EVC2: variants seen among roughly 807,000 people sequenced by gnomAD.
EVC2 encodes the protein limbin.
Under a neutral mutation model 149.3 loss-of-function variants are expected in EVC2, and 148 were observed. That is an observed-to-expected ratio of 0.99 (90% confidence interval 0.87 to 1.14). EVC2 has a LOEUF of 1.14. EVC2 is among the 50% of genes most tolerant of loss of function. The pLI, the probability that EVC2 is intolerant of heterozygous loss-of-function variation, is 0.00. For missense variants in EVC2, 1,854 were observed against 1,627.3 expected (o/e 1.14, Z -2.40); for synonymous variants, 776 against 649.9 (o/e 1.19, Z -2.95).
intron 2 of EVC2, among the ~76,000 whole-genome samples, chr4:5,695,503 T>A (rs187691529): frequency 3.9e-5 from 6 of 152,330 alleles, no homozygotes; most frequent in African/African-American, 1.2e-4. Flanking sequence ...CTTCAGTGGA[T>A]GCGGCCCAGG....
intron 17 of EVC2, among the ~76,000 whole-genome samples, chr4:5,578,403 C>T (rs765573725): frequency 1.3e-5 from 2 of 152,160 alleles, no homozygotes; most frequent in Non-Finnish European, 2.9e-5. Context: ...TTGGTTTAAT[C>T]TTCACAAAAT....
chr4:5,706,787 G>C (rs894404675), intron 1 of EVC2, among the ~76,000 whole-genome samples: 3 of 152,112 alleles, frequency 2.0e-5, no homozygotes, highest in Admixed American at 6.5e-5. Flanking sequence ...GATGGGCGTG[G>C]GCAGGGCCAG....
At chr4:5,698,123 A>G (rs1351931536) in intron 1 of EVC2, among the ~76,000 whole-genome samples, 1 of 152,174 alleles carries the variant, frequency 6.6e-6, no homozygotes. Context: ...GCTTCTGAGT[A>G]AAGAATTCCC....
At chr4:5,678,536 G>T (rs537276725) in intron 7 of EVC2, among the ~76,000 whole-genome samples, 1 of 152,336 alleles carries the variant, frequency 6.6e-6, no homozygotes, top group South Asian at 2.1e-4. Context: ...ACAAGGAAGA[G>T]ATGTTCCTAG....
At chr4:5,644,920 C>A (rs368802965) in intron 9 of EVC2, among the ~76,000 whole-genome samples, 2 of 152,270 alleles carry the variant, frequency 1.3e-5, no homozygotes, top group Admixed American at 6.5e-5. Context: ...TTTCTTTATT[C>A]ATCTGTTGAT....
At position 5,576,557 on chromosome 4, in the gene EVC2, T is replaced by A; in HGVS notation, c.3058-103A>T. 1 of 1,522,366 alleles carries A rather than the reference T, an allele frequency of 6.6e-7. No homozygotes were observed. The highest frequency in any genetic ancestry group is 8.8e-7 in the Non-Finnish European group (1 of 1,136,410). The allele number at this position is 1,522,366 out of a possible 1,614,324, so 94.3% of individuals were successfully genotyped here. ...TGTCTTGCTACAAGTCTGGCATGACTCTGTCTTGCCTGGTTCCCCATCCAG... is the reference window on the plus strand; with the variant it reads ...TGTCTTGCTACAAGTCTGGCATGACACTGTCTTGCCTGGTTCCCCATCCAG... On this transcript the variant is annotated intron_variant, in intron 17 of 21. Coordinates refer to ENST00000344408, the MANE Select transcript of EVC2 (RefSeq NM_147127.5). The surrounding 1 kb of genome is among the most constrained non-coding windows in gnomAD (Gnocchi z 4.5).
At chr4:5,643,585 AG>A (rs1257825694) in intron 9 of EVC2, among the ~76,000 whole-genome samples, 1 of 152,220 alleles carries the variant, frequency 6.6e-6, no homozygotes, top group African/African-American at 2.4e-5. Context: ...AAGAGGGCAG[AG>A]GTAGAGTGCG....
At chr4:5,702,430 T>C (rs563333518) in intron 1 of EVC2, among the ~76,000 whole-genome samples, 32 of 152,222 alleles carry the variant, frequency 2.1e-4, no homozygotes, top group Non-Finnish European at 4.4e-4. Context: ...GCCTGGCATC[T>C]AGAAGGCCCT....
At chr4:5,582,614 T>G (rs1711899879) in intron 17 of EVC2, among the ~76,000 whole-genome samples, 2 of 152,228 alleles carry the variant, frequency 1.3e-5, no homozygotes, top group Non-Finnish European at 2.9e-5. Context: ...TTTGAGTTAA[T>G]GCTGGAATGA....
chr4:5,556,865 C>A (rs889780791), intron 21 of EVC2, among the ~76,000 whole-genome samples: 2 of 152,042 alleles, frequency 1.3e-5, no homozygotes, highest in African/African-American at 4.8e-5. Flanking sequence ...AGACAAACTA[C>A]AAAAATTCAC....
chr4:5,645,120 C>T, intron 9 of EVC2, among the ~76,000 whole-genome samples: 1 of 152,160 alleles, frequency 6.6e-6, no homozygotes, highest in East Asian at 1.9e-4. Context: ...TATATTCATA[C>T]TGTGTGCTTC....
In EVC2 at chr4:5,602,320, AAG is replaced by A. The variant is rs1467587098; in HGVS notation, c.2829+13100_2829+13101del. 2.4e-3 allele frequency among the ~76,000 whole-genome samples: 366 copies of A among 150,748 alleles called. 4 individuals are homozygous for A. The highest frequency in any genetic ancestry group is 3.8e-3 in the Non-Finnish European group (256 of 67,646). Reference sequence around the variant, plus strand: ...AAAAAAAAAAAAAAAAAAAAGTAAAAAGAAGTGGATTAAATTGATGATAAATA... The same window carrying A: ...AAAAAAAAAAAAAAAAAAAAGTAAAAAAGTGGATTAAATTGATGATAAATA... On this transcript the variant is annotated intron_variant, in intron 16 of 21. Transcript: ENST00000344408.
rs556740967 is a variant in EVC2, at chr4:5,688,275, G to A, written c.706+882C>T. The stretch of plus-strand genomic sequence containing the variant: ...GGAAGGAACAGCATGACTGATGAGC[G>A]ATGTGTGCCGTGAGTACGGAGGCAT... On this transcript the variant is annotated intron_variant, in intron 5 of 21. Transcript: ENST00000344408. 1.8e-3 allele frequency among the ~76,000 whole-genome samples: 270 copies of A among 152,244 alleles called. 2 individuals are homozygous for A. Among genetic ancestry groups the A allele is most frequent in the African/African-American group, 6.4e-3 (264 of 41,546 alleles).
intron 9 of EVC2, among the ~76,000 whole-genome samples, chr4:5,647,821 C>G (rs1181291346): frequency 1.3e-5 from 2 of 152,142 alleles, no homozygotes; most frequent in African/African-American, 4.8e-5. Flanking sequence ...AGATTGAGAT[C>G]AAGAACAAGG....
chr4:5,547,226 C>A (rs1223813485), intron 21 of EVC2, among the ~76,000 whole-genome samples: 1 of 152,254 alleles, frequency 6.6e-6, no homozygotes, highest in Non-Finnish European at 1.5e-5. Context: ...GACATGCCAG[C>A]CCCCCACTGC....
At chr4:5,662,985 T>C in intron 9 of EVC2, 122 bp downstream of exon 9, 2 of 1,341,040 alleles carry the variant, frequency 1.5e-6, no homozygotes, top group Non-Finnish European at 1.0e-6. Flanking sequence ...TGTTGAATTA[T>C]GACTACAGAG....
In EVC2 at chr4:5,637,842, C is replaced by A. The variant is rs1716993855; in HGVS notation, c.1470+2672G>T. Among the ~76,000 whole-genome samples, 1 of 148,900 alleles carries A rather than the reference C, an allele frequency of 6.7e-6. No individual in the cohort carries two copies. On this transcript the variant is annotated intron_variant, in intron 10 of 21. Transcript: ENST00000344408. The surrounding 1 kb of genome is among the most constrained non-coding windows in gnomAD (Gnocchi z 4.4). ...TTTTTCAGGGCTTTTTCTTTTTCAG[C>A]TTTGGTTCTGAAATCAGACAGCCTT... is the stretch of plus-strand genomic sequence containing the variant.
intron 16 of EVC2, 34 bp from the exon 17 acceptor site, chr4:5,584,884 G>A (rs1426673795): frequency 3.7e-6 from 6 of 1,609,944 alleles, no homozygotes; most frequent in Non-Finnish European, 4.3e-6. Context: ...CAAACCCAGA[G>A]AGCAGTGAGT....
At chr4:5,684,149 G>A (rs2151726906) in intron 6 of EVC2, among the ~76,000 whole-genome samples, 1 of 152,090 alleles carries the variant, frequency 6.6e-6, no homozygotes, top group East Asian at 1.9e-4. Context: ...TTTTATCCAT[G>A]TTTTCCAAAA....
Sources: allele counts gnomAD v4.1 joint callset (sites outside exome capture counted in the v4.1 genomes callset), GRCh38; gene constraint gnomAD v4.1.1; non-coding constraint Gnocchi (gnomAD v3.1); transcripts MANE v1.5; gene names NCBI Gene and HGNC (gene_info 2026-07-23, HGNC 2026-07-21).